IL23R: variants seen among roughly 807,000 people sequenced by gnomAD.
IL23R encodes the protein interleukin-23 receptor.
In IL23R, 34 loss-of-function variants were observed where a neutral mutation model predicts 56.9. The observed-to-expected ratio is 0.60, with a 90% CI of 0.45 to 0.80. The LOEUF (loss-of-function observed/expected upper bound fraction) is 0.80. Ranked by LOEUF, IL23R falls within the 30% of genes least tolerant of loss-of-function variation. The pLI is 0.00. For synonymous variants in IL23R, 230 were observed against 249.2 expected (o/e 0.92, Z 0.73); for missense variants, 635 against 730.0 (o/e 0.87, Z 1.50).
chr1:67,247,023 T>A (rs1389496769), intron 9 of IL23R, among the ~76,000 whole-genome samples: 1 of 152,214 alleles, frequency 6.6e-6, no homozygotes. Flanking sequence ...ATATTTAGGA[T>A]AGTTAGCTCT....
chr1:67,196,237 AT>A (rs1648144849), intron 4 of IL23R: 1 of 152,280 alleles, frequency 6.6e-6, no homozygotes, highest in Non-Finnish European at 1.5e-5. Context: ...AAGTATTTCC[AT>A]TTGATACAAA....
chr1:67,229,103 C>A (rs1014727293), intron 7 of IL23R, among the ~76,000 whole-genome samples: 6 of 152,204 alleles, frequency 3.9e-5, no homozygotes, highest in Non-Finnish European at 8.8e-5. Flanking sequence ...TTCATTCTGG[C>A]ACTATCTGCC....
intron 4 of IL23R, among the ~76,000 whole-genome samples, chr1:67,190,721 C>T (rs1044848638): frequency 3.9e-5 from 6 of 152,186 alleles, no homozygotes; most frequent in Admixed American, 2.6e-4. Flanking sequence ...GAGATCATCT[C>T]TGTGCATGAC....
At chr1:67,238,941 C>T (rs941834415) in intron 8 of IL23R, among the ~76,000 whole-genome samples, 4 of 152,128 alleles carry the variant, frequency 2.6e-5, no homozygotes, top group Non-Finnish European at 4.4e-5. Context: ...CTGGAGACCC[C>T]GGTATGTGAA....
At chr1:67,232,953 T>C (rs1651195678) in intron 7 of IL23R, among the ~76,000 whole-genome samples, 1 of 152,168 alleles carries the variant, frequency 6.6e-6, no homozygotes, top group East Asian at 1.9e-4. Flanking sequence ...CCTGTTGTCA[T>C]GTAAGACATG....
chr1:67,190,512 C>A (rs1181065805), intron 4 of IL23R, among the ~76,000 whole-genome samples: 1 of 151,004 alleles, frequency 6.6e-6, no homozygotes, highest in Non-Finnish European at 1.5e-5. Context: ...TCAGCAATTT[C>A]ATGTAAATAT....
intron 4 of IL23R, among the ~76,000 whole-genome samples, chr1:67,199,249 T>G (rs1198355868): frequency 6.6e-6 from 1 of 152,206 alleles, no homozygotes; most frequent in Non-Finnish European, 1.5e-5. Flanking sequence ...TTGCACTTGT[T>G]GAACCTTCTC....
At chr1:67,250,150 C>T (rs917166910) in intron 9 of IL23R, among the ~76,000 whole-genome samples, 11 of 152,176 alleles carry the variant, frequency 7.2e-5, no homozygotes, top group Non-Finnish European at 1.6e-4. Flanking sequence ...ATTTTAGTTT[C>T]CTGACACACC....
intron 10 of IL23R, among the ~76,000 whole-genome samples, chr1:67,256,963 C>T (rs1652984401): frequency 6.6e-6 from 1 of 152,180 alleles, no homozygotes; most frequent in African/African-American, 2.4e-5. Flanking sequence ...ATCTGATCCA[C>T]TCACCATTCC....
intron 1 of IL23R, among the ~76,000 whole-genome samples, chr1:67,151,514 A>G (rs935035548): frequency 3.9e-5 from 6 of 152,208 alleles, no homozygotes; most frequent in Non-Finnish European, 7.3e-5. Context: ...TTCATCATGA[A>G]GTCTTTGCCC....
At chr1:67,148,142 G>A (rs1273656397) in intron 1 of IL23R, among the ~76,000 whole-genome samples, 3 of 151,150 alleles carry the variant, frequency 2.0e-5, no homozygotes, top group Non-Finnish European at 4.4e-5. Context: ...GATCCGCAGC[G>A]GCGATGGGCG....
At chr1:67,154,048 G>A (rs549794684) in intron 1 of IL23R, among the ~76,000 whole-genome samples, 37 of 152,280 alleles carry the variant, frequency 2.4e-4, no homozygotes, top group Non-Finnish European at 4.7e-4. Flanking sequence ...GATTACAGGC[G>A]TGAGCCACTG....
intron 9 of IL23R, among the ~76,000 whole-genome samples, chr1:67,246,236 T>C (rs1652214656): frequency 6.6e-6 from 1 of 152,176 alleles, no homozygotes; most frequent in African/African-American, 2.4e-5. Flanking sequence ...AGTCTATCTA[T>C]TTTGTTGATC....
intron 4 of IL23R, among the ~76,000 whole-genome samples, chr1:67,190,799 C>A (rs1030740709): frequency 6.6e-6 from 1 of 152,150 alleles, no homozygotes; most frequent in African/African-American, 2.4e-5. Flanking sequence ...ACCAATAAGG[C>A]AAATGTTTTC....
intron 7 of IL23R, among the ~76,000 whole-genome samples, chr1:67,221,466 A>G (rs1650249354): frequency 6.6e-6 from 1 of 152,202 alleles, no homozygotes; most frequent in East Asian, 1.9e-4. Context: ...TAGCTGATTT[A>G]TTGTTTATCT....
chr1:67,265,155 T>C, the IL23R span, among the ~76,000 whole-genome samples: 1 of 152,240 alleles, frequency 6.6e-6, no homozygotes, highest in Non-Finnish European at 1.5e-5. Context: ...CTGTTTTCTT[T>C]CTGTTCACAT....
At chr1:67,235,181 A>AGC (rs1258148020) in intron 7 of IL23R, among the ~76,000 whole-genome samples, 3 of 152,240 alleles carry the variant, frequency 2.0e-5, no homozygotes, top group African/African-American at 7.2e-5. Flanking sequence ...AAAGAGACTT[A>AGC]GCGAGGCATT....
chr1:67,199,183 T>A (rs1648415567), intron 4 of IL23R, among the ~76,000 whole-genome samples: 1 of 152,210 alleles, frequency 6.6e-6, no homozygotes, highest in South Asian at 2.1e-4. Context: ...ATGGAAGGTC[T>A]TCTGACAGGC....
chr1:67,178,433 G>A (rs946966845), intron 3 of IL23R, among the ~76,000 whole-genome samples: 2 of 152,200 alleles, frequency 1.3e-5, no homozygotes, highest in Non-Finnish European at 2.9e-5. Flanking sequence ...TGTTATTGGT[G>A]TATAAGAATG....
Sources: allele counts gnomAD v4.1 joint callset (sites outside exome capture counted in the v4.1 genomes callset), GRCh38; gene constraint gnomAD v4.1.1; transcripts MANE v1.5; gene names NCBI Gene and HGNC (gene_info 2026-07-23, HGNC 2026-07-21).